Variants in ARB2A observed in about 807,000 individuals in gnomAD.
ARB2A encodes the protein cotranscriptional regulator ARB2A.
At chr5:93,880,946 T>C in the ARB2A span, among the ~76,000 whole-genome samples, 3 of 151,780 alleles carry the variant, frequency 2.0e-5, no homozygotes. Context: ...GACATTAGGC[T>C]GAGACACTGT....
At chr5:94,101,425 G>A in the ARB2A span, among the ~76,000 whole-genome samples, 9 of 152,228 alleles carry the variant, frequency 5.9e-5, no homozygotes, top group Admixed American at 2.0e-4. Context: ...ACCATTTGAC[G>A]CTGCAATACC....
At chr5:93,709,088 T>G in the ARB2A span, among the ~76,000 whole-genome samples, 1 of 151,010 alleles carries the variant, frequency 6.6e-6, no homozygotes, top group Admixed American at 6.6e-5. Context: ...ATGGACTGAT[T>G]GTGGTAATCA....
At chr5:93,805,752 T>C in the ARB2A span, 1 of 985,210 alleles carries the variant, frequency 1.0e-6, no homozygotes, top group Non-Finnish European at 1.2e-6. Flanking sequence ...CTATTTGTAG[T>C]TGCTCATGGT....
At chr5:93,880,026 T>C in the ARB2A span, among the ~76,000 whole-genome samples, 1 of 151,834 alleles carries the variant, frequency 6.6e-6, no homozygotes, top group African/African-American at 2.4e-5. Flanking sequence ...GGTAACATCA[T>C]GACCCCGATG....
the ARB2A span, among the ~76,000 whole-genome samples, chr5:93,654,789 G>A: frequency 2.0e-5 from 3 of 152,246 alleles, no homozygotes; most frequent in East Asian, 5.8e-4. Flanking sequence ...ACTGCATTCT[G>A]AGAACCATTT....
chr5:94,072,955 G>A, the ARB2A span, among the ~76,000 whole-genome samples: 1 of 152,000 alleles, frequency 6.6e-6, no homozygotes, highest in Non-Finnish European at 1.5e-5. Flanking sequence ...AGTTGTACCT[G>A]ACATTTTTCT....
the ARB2A span, among the ~76,000 whole-genome samples, chr5:94,017,013 G>T: frequency 6.6e-6 from 1 of 152,166 alleles, no homozygotes; most frequent in South Asian, 2.1e-4. Flanking sequence ...AGCACTGAAG[G>T]GCCTTAAACA....
chr5:94,018,211 A>G, the ARB2A span, among the ~76,000 whole-genome samples: 1 of 152,224 alleles, frequency 6.6e-6, no homozygotes, highest in African/African-American at 2.4e-5. Context: ...GGTGCTGCCT[A>G]TAGCAGCAGC....
At chr5:93,980,815 T>C in the ARB2A span, among the ~76,000 whole-genome samples, 5 of 152,144 alleles carry the variant, frequency 3.3e-5, no homozygotes, top group Non-Finnish European at 5.9e-5. Context: ...AAATATTTTG[T>C]TAACCTTTTT....
chr5:93,875,238 CT>C, the ARB2A span, among the ~76,000 whole-genome samples: 55 of 146,612 alleles, frequency 3.8e-4, no homozygotes, highest in Admixed American at 5.5e-4. Flanking sequence ...TATCGGACTG[CT>C]TTTTTTTTTT....
chr5:93,891,625 T>C, the ARB2A span, among the ~76,000 whole-genome samples: 1 of 152,140 alleles, frequency 6.6e-6, no homozygotes, highest in African/African-American at 2.4e-5. Context: ...AGGAGTTTTA[T>C]GTTATCACAA....
chr5:93,780,518 TTC>T, the ARB2A span, among the ~76,000 whole-genome samples: 1 of 151,738 alleles, frequency 6.6e-6, no homozygotes. Flanking sequence ...TTCTTTCTCT[TTC>T]TCTCTTTCTC....
the ARB2A span, among the ~76,000 whole-genome samples, chr5:94,038,400 T>C: frequency 2.6e-5 from 4 of 152,068 alleles, no homozygotes; most frequent in Non-Finnish European, 5.9e-5. Flanking sequence ...CCCACCTCCT[T>C]AAGCTAACAG....
At chr5:93,628,366 A>G in the ARB2A span, among the ~76,000 whole-genome samples, 7 of 152,042 alleles carry the variant, frequency 4.6e-5, no homozygotes, top group Non-Finnish European at 1.0e-4. Flanking sequence ...CATAATTTTT[A>G]AGGCCCTAGG....
At chr5:93,988,173 T>C in the ARB2A span, among the ~76,000 whole-genome samples, 13 of 152,180 alleles carry the variant, frequency 8.5e-5, no homozygotes, top group Admixed American at 8.5e-4. Context: ...GCTTCTGTAA[T>C]CTCCTAACAA....
At chr5:93,962,094 C>T in the ARB2A span, among the ~76,000 whole-genome samples, 1 of 152,288 alleles carries the variant, frequency 6.6e-6, no homozygotes. Context: ...GGCCATTTAT[C>T]TTCAAACAGT....
At chr5:93,885,780 C>A in the ARB2A span, among the ~76,000 whole-genome samples, 1 of 151,616 alleles carries the variant, frequency 6.6e-6, no homozygotes, top group Non-Finnish European at 1.5e-5. Flanking sequence ...TAATCAGAAA[C>A]CCTTAAAAGT....
the ARB2A span, among the ~76,000 whole-genome samples, chr5:93,781,655 A>C: frequency 6.7e-6 from 1 of 150,356 alleles, no homozygotes. Context: ...TCCCACCAAC[A>C]GTGTATATGA....
chr5:93,738,043 T>C, the ARB2A span: 6 of 352,454 alleles, frequency 1.7e-5, no homozygotes, highest in African/African-American at 4.4e-5. Context: ...ACCCACAGAA[T>C]GGGAGAAAAT....
Sources: gnomAD v4.1 joint callset for allele counts (sites outside exome capture counted in the v4.1 genomes callset) on GRCh38, gnomAD v4.1.1 for gene constraint, MANE v1.5 for transcripts, NCBI Gene and HGNC (gene_info 2026-07-23, HGNC 2026-07-21) for gene names.